Variants in MTA1 observed in about 807,000 individuals in gnomAD.
MTA1 encodes metastasis-associated protein MTA1.
A neutral mutation model predicts 97.0 loss-of-function variants in MTA1; 15 were observed. That is an observed-to-expected ratio of 0.15 (90% confidence interval 0.10 to 0.24). The LOEUF is 0.24. Among genes scored for constraint, MTA1 ranks in the 10% least tolerant of loss-of-function variants. The probability of loss-of-function intolerance (pLI) is 1.00; values close to 1 mark genes in which losing one functional copy is unlikely to be tolerated. For missense variants in MTA1, 709 were observed against 1,015.1 expected (o/e 0.70, Z 4.10); for synonymous variants, 435 against 417.5 (o/e 1.04, Z -0.51).
In MTA1 at chr14:105,469,489, C is replaced by A. The variant is rs368216740; in HGVS notation, c.1836C>A (p.Ala612=). 6.2e-7 allele frequency: 1 copy of A among 1,612,812 alleles called. No homozygotes were observed. Among genetic ancestry groups the A allele is most frequent in the African/African-American group, 1.3e-5 (1 of 75,044 alleles). The change falls in exon 19 of 21, where the codon GCC becomes GCA. Residue 612 remains alanine (A), a synonymous_variant. Transcript: ENST00000331320. ...CAGGTCTGGCAAACCACGGACAGGCCAGGCACATGGTAAGAGGAACAACCC... is the reference window on the plus strand; with the variant it reads ...CAGGTCTGGCAAACCACGGACAGGCAAGGCACATGGTAAGAGGAACAACCC... ...PSRGLANHGQ[A]RHMGPSRNLL...
At position 105,451,884 on chromosome 14, in the gene MTA1, G is replaced by T. The variant is rs587637714; in HGVS notation, c.432+1560G>T. On this transcript the variant is annotated intron_variant, in intron 6 of 20. Transcript: ENST00000331320. ...CAGCTCACTGCAACCTCCGCCTCCC[G>T]GGTTCAAGCGATTCTCCTGTCTCAG... is the stretch of plus-strand genomic sequence containing the variant. Among the ~76,000 whole-genome samples, 7 of 148,666 alleles carry T rather than the reference G, an allele frequency of 4.7e-5. No homozygotes were observed. In the South Asian group the frequency reaches 1.3e-3, roughly 27 times the overall value.
At chr14:105,466,336 T>C in intron 16 of MTA1, 90 bp from the exon 17 acceptor site, 1 of 1,212,222 alleles carries the variant, frequency 8.2e-7, no homozygotes, top group Non-Finnish European at 1.2e-6. Context: ...CCTGGGGGTA[T>C]CCCGGAACCA....
chr14:105,430,736 C>T (rs914227646), intron 1 of MTA1, among the ~76,000 whole-genome samples: 4 of 152,198 alleles, frequency 2.6e-5, no homozygotes, highest in South Asian at 4.2e-4. Flanking sequence ...CAAACTGGCC[C>T]GCTGCCTGTT....
At chr14:105,432,509 G>C (rs1264914897) in intron 1 of MTA1, among the ~76,000 whole-genome samples, 2 of 152,206 alleles carry the variant, frequency 1.3e-5, no homozygotes, top group Non-Finnish European at 2.9e-5. Context: ...AAAGTGCTGG[G>C]ATTACAGGCG....
At chr14:105,452,266 A>C (rs782681595) in intron 6 of MTA1, among the ~76,000 whole-genome samples, 4 of 152,246 alleles carry the variant, frequency 2.6e-5, no homozygotes, top group Non-Finnish European at 4.4e-5. Flanking sequence ...CCTGATAAAC[A>C]CAGGCTCATG....
Position 105,431,491 on chromosome 14 carries a change from G to A in MTA1, c.29-7181G>A, listed in dbSNP as rs587738216. Among the ~76,000 whole-genome samples, 4 of 152,350 alleles carry A rather than the reference G, an allele frequency of 2.6e-5. No individual in the cohort carries two copies. The South Asian group carries it at 8.3e-4, about 32-fold the overall frequency. On this transcript the variant is annotated intron_variant, in intron 1 of 20. Coordinates refer to ENST00000331320, the MANE Select transcript of MTA1 (RefSeq NM_004689.4). ...ATCACTACAGATCCTACTGACACGA[G>A]AAATGTGTGGCACAGAAAAGGGCTT...
At position 105,422,001 on chromosome 14, in the gene MTA1, TGAG is replaced by T. The variant is rs1555421063; in HGVS notation, c.28+1942_28+1944del. Among the ~76,000 whole-genome samples, 1 of 152,202 alleles carries T rather than the reference TGAG, an allele frequency of 6.6e-6. No individual in the cohort carries two copies. The highest frequency in any genetic ancestry group is 6.5e-5 in the Admixed American group (1 of 15,284). The stretch of plus-strand genomic sequence containing the variant: ...ATGCTGCTGGTCTCTTTTCCTGTGA[TGAG>T]GAGCATGGGAGGTTGGGTGCTGTCT... On this transcript the variant is annotated intron_variant, in intron 1 of 20. Coordinates refer to ENST00000331320, the MANE Select transcript of MTA1 (RefSeq NM_004689.4). The surrounding 1 kb of genome is among the most constrained non-coding windows in gnomAD (Gnocchi z 4.3).
intron 1 of MTA1, among the ~76,000 whole-genome samples, chr14:105,437,786 G>T (rs896565710): frequency 6.6e-6 from 1 of 152,240 alleles, no homozygotes; most frequent in Non-Finnish European, 1.5e-5. Context: ...GTGCTGGTTC[G>T]TGAGGACATG....
At chr14:105,438,952 C>T (rs1436452635) in intron 2 of MTA1, among the ~76,000 whole-genome samples, 1 of 152,210 alleles carries the variant, frequency 6.6e-6, no homozygotes, top group Admixed American at 6.5e-5. Flanking sequence ...TCATGCAGGA[C>T]CCAGCGCAGC....
At position 105,466,751 on chromosome 14, in the gene MTA1, T is replaced by C; in HGVS notation, c.1813+9T>C. 7 of 1,577,368 alleles carry C rather than the reference T, an allele frequency of 4.4e-6. No homozygotes were observed. Among genetic ancestry groups the C allele is most frequent in the Non-Finnish European group, 6.0e-6 (7 of 1,163,180 alleles). ...CTTGATGCCCAGTAGGGGTAAGGCC[T>C]GGAGCCGCGGGCGGGCGCTGCGCCG... is the stretch of plus-strand genomic sequence containing the variant. On this transcript the variant is annotated intron_variant, in intron 18 of 20. Coordinates refer to ENST00000331320, the MANE Select transcript of MTA1 (RefSeq NM_004689.4).
intron 18 of MTA1, chr14:105,467,152 G>A (rs948418544): frequency 2.2e-5 from 8 of 366,412 alleles, no homozygotes; most frequent in Admixed American, 8.3e-5. Context: ...TGTGTGGGCC[G>A]TGGGCAACTG....
At position 105,465,097 on chromosome 14, in the gene MTA1, C is replaced by T. The variant is rs371407150; in HGVS notation, c.1538C>T (p.Thr513Met). The stretch of plus-strand genomic sequence containing the variant: ...CACACCGTGTGGTACCCCGCAGGCA[C>T]GGCGCGGCTGCCCGAAGCCTCCCAG... ...INSAAIKAEC[T>M]ARLPEASQSP... Residue 513 changes from threonine (T) to methionine (M), a missense_variant, in exon 16 of 21, where the codon ACG (threonine) becomes ATG (methionine). By Grantham distance (81) the Thr-to-Met change is moderately conservative. Around this residue, in one of 2 missense-constraint regions of MTA1, gnomAD observed 388 missense variants for 421.6 expected, o/e 0.92. Coordinates refer to ENST00000331320, the MANE Select transcript of MTA1 (RefSeq NM_004689.4). 5 of 1,512,268 alleles carry T rather than the reference C, an allele frequency of 3.3e-6. No homozygotes were observed. Among genetic ancestry groups the T allele is most frequent in the East Asian group, 2.5e-5 (1 of 40,016 alleles). The allele number at this position is 1,512,268 out of a possible 1,614,324, so 93.7% of individuals were successfully genotyped here.
At chr14:105,448,639 T>C (rs2082801671) in intron 3 of MTA1, among the ~76,000 whole-genome samples, 2 of 152,208 alleles carry the variant, frequency 1.3e-5, no homozygotes, top group Admixed American at 1.3e-4. Flanking sequence ...TGCCCTGTTC[T>C]ATGGACCGGG....
Position 105,460,833 on chromosome 14 carries a change from G to C in MTA1, c.822G>C (p.Pro274=), listed in dbSNP as rs140025997. 1 of 1,611,454 alleles carries C rather than the reference G, an allele frequency of 6.2e-7. No individual in the cohort carries two copies. Among genetic ancestry groups the C allele is most frequent in the Admixed American group, 1.7e-5 (1 of 59,728 alleles). ...DISKAISALV[P]QGGPVLCRDE... ...CCAAGGCCATCTCGGCGCTGGTGCCGCAGGGCGGGCCCGTGCTCTGCAGGG... is the reference window on the plus strand; with the variant it reads ...CCAAGGCCATCTCGGCGCTGGTGCCCCAGGGCGGGCCCGTGCTCTGCAGGG... The change falls in exon 10 of 21, where the codon CCG becomes CCC. Residue 274 remains proline (P), a synonymous_variant. Transcript: ENST00000331320.
rs1555420674 is a variant in MTA1 at position 105,420,690 on chromosome 14, C to T, written c.28+627C>T. Among the ~76,000 whole-genome samples, 1 of 152,216 alleles carries T rather than the reference C, an allele frequency of 6.6e-6. No homozygotes were observed. Among genetic ancestry groups the T allele is most frequent in the Non-Finnish European group, 1.5e-5 (1 of 68,022 alleles). On this transcript the variant is annotated intron_variant, in intron 1 of 20. Coordinates refer to ENST00000331320, the MANE Select transcript of MTA1 (RefSeq NM_004689.4). This position sits in a 1 kb window ranked among gnomAD's most constrained non-coding sequence, Gnocchi z 5.3. ...CTCACCTCAGCCCATTCGGGAGGCGCTTTGCAAGGGTTGGGGAGAGGCCGG... is the reference window on the plus strand; with the variant it reads ...CTCACCTCAGCCCATTCGGGAGGCGTTTTGCAAGGGTTGGGGAGAGGCCGG...
At chr14:105,443,621 C>G in intron 2 of MTA1, among the ~76,000 whole-genome samples, 1 of 152,170 alleles carries the variant, frequency 6.6e-6, no homozygotes, top group East Asian at 1.9e-4. Flanking sequence ...GCCACTGCCC[C>G]CAACCCATTT....
At chr14:105,453,851 G>A (rs1555429218) in intron 6 of MTA1, among the ~76,000 whole-genome samples, 1 of 152,236 alleles carries the variant, frequency 6.6e-6, no homozygotes, top group Non-Finnish European at 1.5e-5. Context: ...TTTTTGGGCT[G>A]TAGCCGTATC....
At chr14:105,453,571 A>G (rs1226589470) in intron 6 of MTA1, among the ~76,000 whole-genome samples, 4 of 152,198 alleles carry the variant, frequency 2.6e-5, no homozygotes, top group Non-Finnish European at 5.9e-5. Context: ...GCACTTTGGG[A>G]GGCCGAGGCG....
chr14:105,450,201 C>T lies in MTA1; in HGVS notation c.368+17C>T, dbSNP rs2082869321. On this transcript the variant is annotated intron_variant, in intron 5 of 20. Coordinates refer to ENST00000331320, the MANE Select transcript of MTA1 (RefSeq NM_004689.4). ...GCACATCAGGTAGCCCCCAGCAGCT[C>T]CCGCCCTGGGCCCCTCGGGCTGCCC... 1.9e-6 allele frequency: 3 copies of T among 1,612,426 alleles called. No individual in the cohort carries two copies. The highest frequency in any genetic ancestry group is 1.7e-6 in the Non-Finnish European group (2 of 1,179,418).
Sources: allele counts gnomAD v4.1 joint callset (sites outside exome capture counted in the v4.1 genomes callset), GRCh38; gene constraint gnomAD v4.1.1; regional missense constraint gnomAD v4.1.1; non-coding constraint Gnocchi (gnomAD v3.1); transcripts MANE v1.5; gene names NCBI Gene and HGNC (gene_info 2026-07-23, HGNC 2026-07-21).